PCSK5: variants seen among roughly 807,000 people sequenced by gnomAD.
PCSK5 encodes the protein proprotein convertase subtilisin/kexin type 5.
Under a neutral mutation model 233.2 loss-of-function variants are expected in PCSK5, and 129 were observed. That is an observed-to-expected ratio of 0.55 (90% CI 0.48 to 0.64). The LOEUF is 0.64. PCSK5 is among the 30% of genes least tolerant of loss of function. The pLI is 0.00. For missense variants in PCSK5, 2,076 were observed against 2,430.1 expected (o/e 0.85, Z 3.06); for synonymous variants, 825 against 879.2 (o/e 0.94, Z 1.09).
chr9:75,982,116 AC>A (rs1826302523), intron 2 of PCSK5, among the ~76,000 whole-genome samples: 1 of 151,970 alleles, frequency 6.6e-6, no homozygotes, highest in Admixed American at 6.6e-5. Flanking sequence ...TTCCATTTTA[AC>A]TGTATCATGG....
At position 76,094,234 on chromosome 9, in the gene PCSK5, T is replaced by C. The variant is rs566263560; in HGVS notation, c.895-1656T>C. On this transcript the variant is annotated intron_variant, in intron 7 of 37. Coordinates refer to ENST00000674117, the MANE Select transcript of PCSK5 (RefSeq NM_001372043.1). ...GAGTTTATCACAGATACTCCAGACT[T>C]TGTTGTCTCTTTTTCTTCGGCTCTT... is the stretch of plus-strand genomic sequence containing the variant. 2.6e-5 allele frequency among the ~76,000 whole-genome samples: 4 copies of C among 152,226 alleles called. No homozygotes were observed. In the East Asian group the frequency reaches 7.7e-4, roughly 29 times the overall value.
chr9:76,288,482 G>C (rs962400947), intron 24 of PCSK5, among the ~76,000 whole-genome samples: 4 of 152,206 alleles, frequency 2.6e-5, no homozygotes, highest in African/African-American at 7.2e-5. Context: ...CAGTGACAAA[G>C]TAACTTCCCT....
At chr9:76,341,911 G>A (rs913536206) in intron 35 of PCSK5, among the ~76,000 whole-genome samples, 1 of 152,158 alleles carries the variant, frequency 6.6e-6, no homozygotes, top group South Asian at 2.1e-4. Flanking sequence ...CCTGATTTAA[G>A]CGCTAAGCCT....
intron 1 of PCSK5, among the ~76,000 whole-genome samples, chr9:75,921,616 A>G (rs974180654): frequency 1.3e-5 from 2 of 151,926 alleles, no homozygotes; most frequent in African/African-American, 4.8e-5. Flanking sequence ...TGTGTCTTAA[A>G]AACAGGTGGG....
chr9:76,059,321 C>T (rs1246409606), intron 5 of PCSK5, among the ~76,000 whole-genome samples: 1 of 152,198 alleles, frequency 6.6e-6, no homozygotes, highest in Non-Finnish European at 1.5e-5. Flanking sequence ...CCTGTTCACT[C>T]TGATGGTAGT....
At chr9:76,235,684 T>C (rs1206543088) in intron 22 of PCSK5, among the ~76,000 whole-genome samples, 1 of 152,194 alleles carries the variant, frequency 6.6e-6, no homozygotes, top group South Asian at 2.1e-4. Flanking sequence ...GAAGACCAAA[T>C]GCATGGTAGA....
At chr9:76,182,594 A>G (rs1421659057) in intron 16 of PCSK5, among the ~76,000 whole-genome samples, 4 of 151,950 alleles carry the variant, frequency 2.6e-5, no homozygotes, top group African/African-American at 9.7e-5. Context: ...ACCTTAACAC[A>G]GAGTTTGGGC....
At chr9:76,154,236 C>G (rs111858796) in intron 10 of PCSK5, among the ~76,000 whole-genome samples, 9 of 152,146 alleles carry the variant, frequency 5.9e-5, no homozygotes, top group Non-Finnish European at 1.2e-4. Flanking sequence ...GCCTCTCTTC[C>G]GAGCATCTAC....
intron 35 of PCSK5, among the ~76,000 whole-genome samples, chr9:76,346,302 G>T (rs747764950): frequency 8.5e-5 from 13 of 152,164 alleles, no homozygotes; most frequent in Non-Finnish European, 1.6e-4. Flanking sequence ...TTATAGTATA[G>T]AAATACTATG....
intron 3 of PCSK5, among the ~76,000 whole-genome samples, chr9:76,021,108 C>T (rs566080635): frequency 1.1e-4 from 16 of 152,184 alleles, no homozygotes; most frequent in Middle Eastern, 3.4e-3. Flanking sequence ...GAAGTCAGAG[C>T]AGTACACATA....
intron 1 of PCSK5, 67 bp downstream of exon 1, chr9:75,891,440 G>A (rs988092951): frequency 4.8e-6 from 6 of 1,253,766 alleles, no homozygotes; most frequent in African/African-American, 3.2e-5. Context: ...TCCCCTCTGC[G>A]TGGAACCCCC....
intron 2 of PCSK5, among the ~76,000 whole-genome samples, chr9:75,970,519 T>C (rs1405016211): frequency 2.0e-5 from 3 of 152,342 alleles, no homozygotes; most frequent in Non-Finnish European, 4.4e-5. Context: ...TTAAAATGCT[T>C]CCAGTAAGTG....
chr9:76,037,199 G>A (rs1167082047), intron 5 of PCSK5, among the ~76,000 whole-genome samples: 2 of 152,098 alleles, frequency 1.3e-5, no homozygotes, highest in African/African-American at 2.4e-5. Flanking sequence ...AGACTCCAAA[G>A]CAGACACAAG....
intron 5 of PCSK5, among the ~76,000 whole-genome samples, chr9:76,045,630 A>C (rs1221246473): frequency 6.6e-6 from 1 of 152,256 alleles, no homozygotes; most frequent in African/African-American, 2.4e-5. Context: ...CAGATGAAAC[A>C]AAGTCCAACA....
intron 2 of PCSK5, among the ~76,000 whole-genome samples, chr9:75,957,640 T>C (rs1825152578): frequency 6.6e-6 from 1 of 152,184 alleles, no homozygotes; most frequent in Non-Finnish European, 1.5e-5. Context: ...GTCTCCTAAT[T>C]ATATATAGCT....
At chr9:76,295,785 T>A (rs1005617804) in intron 26 of PCSK5, among the ~76,000 whole-genome samples, 3 of 152,226 alleles carry the variant, frequency 2.0e-5, no homozygotes, top group African/African-American at 7.2e-5. Flanking sequence ...CCCCATGCAC[T>A]GTAAGAATCT....
chr9:76,085,868 A>C (rs1235943034), intron 7 of PCSK5, among the ~76,000 whole-genome samples: 1 of 152,328 alleles, frequency 6.6e-6, no homozygotes, highest in Middle Eastern at 3.4e-3. Context: ...CTTAGAGAAG[A>C]GTATGAACTT....
chr9:75,899,566 C>T (rs1219435440), intron 1 of PCSK5, among the ~76,000 whole-genome samples: 1 of 152,192 alleles, frequency 6.6e-6, no homozygotes, highest in Non-Finnish European at 1.5e-5. Flanking sequence ...GTCACTGTTA[C>T]ACTCTGTTTC....
intron 2 of PCSK5, among the ~76,000 whole-genome samples, chr9:75,941,330 T>C (rs1172236844): frequency 6.6e-6 from 1 of 152,102 alleles, no homozygotes; most frequent in Non-Finnish European, 1.5e-5. Context: ...TGGCCTTGTG[T>C]TTCTGCACAA....
Sources: allele counts gnomAD v4.1 joint callset (sites outside exome capture counted in the v4.1 genomes callset), GRCh38; gene constraint gnomAD v4.1.1; transcripts MANE v1.5; gene names NCBI Gene and HGNC (gene_info 2026-07-23, HGNC 2026-07-21).